CCDC77: variants seen among roughly 807,000 people sequenced by gnomAD.
The protein encoded by CCDC77 is coiled-coil domain-containing protein 77.
In CCDC77, 56 loss-of-function variants were observed where a neutral mutation model predicts 66.8. That is an observed-to-expected ratio of 0.84 (90% CI 0.68 to 1.05). CCDC77 has a LOEUF of 1.05. Among genes scored for constraint, CCDC77 ranks in the 50% least tolerant of loss-of-function variants. CCDC77 has a pLI of 0.00. For missense variants in CCDC77, 570 were observed against 576.8 expected, an observed-to-expected ratio of 0.99 and a Z score of 0.12; for synonymous variants, 196 against 195.2, an observed-to-expected ratio of 1.00 and a Z score of -0.03.
chr12:430,804 C>T (rs1230787989), intron 7 of CCDC77, 68 bp downstream of exon 7: 21 of 1,288,190 alleles, frequency 1.6e-5, no homozygotes, highest in Admixed American at 5.1e-5. Flanking sequence ...GCAGGCTGGG[C>T]GCGGTGGCTC....
rs3043231 is a variant in CCDC77, at chr12:437,845, TAAAAAAA to T, written c.822-476_822-470del. 1.5e-3 allele frequency among the ~76,000 whole-genome samples: 186 copies of T among 124,512 alleles called. 1 individual carries two copies. The highest frequency in any genetic ancestry group is 8.5e-3 in the Middle Eastern group (2 of 236). 81.7% of individuals were successfully genotyped at this position (124,512 alleles called of 152,430 possible). A position where few individuals can be genotyped will look rare whatever the true frequency, so the allele number is the denominator to read the frequency against. On this transcript the variant is annotated intron_variant, in intron 9 of 12. Coordinates refer to ENST00000239830, the MANE Select transcript of CCDC77 (RefSeq NM_032358.4). ...TACGTGACAGAGCAAGACCCTGTCTTAAAAAAAAAAAAAAAAAAAAGTTCTTTTTAAA... is the reference window on the plus strand; with the variant it reads ...TACGTGACAGAGCAAGACCCTGTCTTAAAAAAAAAAAAAGTTCTTTTTAAA...
At chr12:435,261 C>A (rs533558099) in intron 9 of CCDC77, among the ~76,000 whole-genome samples, 1 of 150,488 alleles carries the variant, frequency 6.6e-6, no homozygotes, top group Non-Finnish European at 1.5e-5. Context: ...CTCCCATCCC[C>A]GTCTCAAGCC....
At chr12:416,177 G>A (rs1248424789) in intron 4 of CCDC77, among the ~76,000 whole-genome samples, 2 of 151,034 alleles carry the variant, frequency 1.3e-5, no homozygotes, top group African/African-American at 2.4e-5. Flanking sequence ...CTGGGCTCAA[G>A]CCATCCTCCC....
intron 4 of CCDC77, among the ~76,000 whole-genome samples, chr12:412,769 T>C (rs1945137627): frequency 1.3e-5 from 2 of 152,168 alleles, no homozygotes; most frequent in South Asian, 4.1e-4. Context: ...ACAGCAGTCT[T>C]CTCACCTATC....
chr12:437,158 CA>C (rs1565577866), intron 9 of CCDC77, among the ~76,000 whole-genome samples: 2 of 152,134 alleles, frequency 1.3e-5, no homozygotes, highest in African/African-American at 2.4e-5. Flanking sequence ...CTCTTGCAAG[CA>C]GCCAGATCAT....
At chr12:397,722 C>A (rs191908419), upstream of CCDC77, among the ~76,000 whole-genome samples, 1,096 of 152,088 alleles carry the variant, frequency 7.2e-3, 14 homozygotes, top group Admixed American at 0.013. Flanking sequence ...TCTCAGCTCA[C>A]TGCAGCCTCT....
At chr12:412,234 T>C (rs76118155) in intron 4 of CCDC77, among the ~76,000 whole-genome samples, 2,277 of 152,304 alleles carry the variant, frequency 0.015, 50 homozygotes, top group African/African-American at 0.052. Flanking sequence ...TGAGTAGTCC[T>C]TAACTTCTTT....
At chr12:410,414 C>T (rs537231472) in intron 3 of CCDC77, among the ~76,000 whole-genome samples, 13 of 152,154 alleles carry the variant, frequency 8.5e-5, no homozygotes, top group South Asian at 4.2e-4. Flanking sequence ...ATTACACACG[C>T]GTGCCACCAG....
At chr12:392,079 G>A (rs1944763605) in intron 1 of CCDC77, among the ~76,000 whole-genome samples, 1 of 152,038 alleles carries the variant, frequency 6.6e-6, no homozygotes, top group African/African-American at 2.4e-5. Flanking sequence ...TGAGTCAATA[G>A]TATTTGGGTT....
chr12:431,212 C>CTTTTTTTTTTTTTTTTTT (rs61068771), intron 7 of CCDC77, among the ~76,000 whole-genome samples: 2 of 115,778 alleles, frequency 1.7e-5, no homozygotes, highest in African/African-American at 2.9e-5. Flanking sequence ...TTGCTCAGTT[C>CTTTTTTTTTTTTTTTTTT]TTTTTTTTTT....
chr12:418,578 T>C lies in CCDC77; in HGVS notation c.355T>C (p.Phe119Leu). 1 of 1,614,140 alleles carries C rather than the reference T, an allele frequency of 6.2e-7. No individual in the cohort carries two copies. The highest frequency in any genetic ancestry group is 1.1e-5 in the South Asian group (1 of 91,092). Residue 119 changes from phenylalanine to leucine, a missense_variant, in exon 5 of 13, where the codon TTC becomes CTC. Physicochemically the swap from Phe to Leu is conservative, Grantham distance 22 (BLOSUM62 0). Coordinates refer to ENST00000239830, the MANE Select transcript of CCDC77 (RefSeq NM_032358.4). The stretch of plus-strand genomic sequence containing the variant: ...TCTAAGTGATATGCAGGTCTGCCTC[T>C]TCCAGGAACGGGAACATGTTTTACG... ...KALSDMQVCL[F>L]QEREHVLRLY...
intron 4 of CCDC77, among the ~76,000 whole-genome samples, chr12:414,629 C>A (rs1292439029): frequency 2.0e-5 from 3 of 152,180 alleles, no homozygotes; most frequent in Non-Finnish European, 2.9e-5. Flanking sequence ...CCTTCCCCAC[C>A]CGCACATGTA....
upstream of CCDC77, among the ~76,000 whole-genome samples, chr12:400,246 C>T (rs1052126589): frequency 7.9e-5 from 12 of 152,354 alleles, no homozygotes; most frequent in African/African-American, 2.9e-4. Context: ...TCAGGGAATG[C>T]TGTGGCTGGT....
rs59062833 is a variant in CCDC77 at position 410,748 on chromosome 12, G to A, written c.39-999G>A. 8.6e-3 allele frequency among the ~76,000 whole-genome samples: 1,310 copies of A among 152,134 alleles called. 21 individuals are homozygous for A. Among genetic ancestry groups the A allele is most frequent in the African/African-American group, 0.03 (1,259 of 41,490 alleles). ...TTTGGTAGAGACTAGGTTTCACTAT[G>A]TTGGCCAGGCTGGTCTTGAACTCCT... is the stretch of plus-strand genomic sequence containing the variant. On this transcript the variant is annotated intron_variant, in intron 3 of 12. Coordinates refer to ENST00000239830, the MANE Select transcript of CCDC77 (RefSeq NM_032358.4).
intron 2 of CCDC77, among the ~76,000 whole-genome samples, chr12:406,919 C>T (rs887843915): frequency 1.3e-4 from 20 of 152,348 alleles, no homozygotes; most frequent in African/African-American, 4.3e-4. Flanking sequence ...CGCACTCCAG[C>T]TTGGATGACA....
intron 1 of CCDC77, among the ~76,000 whole-genome samples, chr12:396,118 G>A (rs559399679): frequency 2.6e-5 from 4 of 152,282 alleles, no homozygotes; most frequent in East Asian, 3.9e-4. Flanking sequence ...CTGGCCAGGC[G>A]AGGTGGCTCA....
intron 1 of CCDC77, among the ~76,000 whole-genome samples, chr12:393,358 C>G (rs952810222): frequency 2.6e-5 from 4 of 152,198 alleles, no homozygotes; most frequent in African/African-American, 9.7e-5. Flanking sequence ...AGGGATCCTC[C>G]CACCTCGGCC....
At chr12:432,162 A>C (rs1249999028) in intron 8 of CCDC77, among the ~76,000 whole-genome samples, 1 of 152,196 alleles carries the variant, frequency 6.6e-6, no homozygotes, top group Non-Finnish European at 1.5e-5. Context: ...TTAAGGTGCT[A>C]CTCTGAACCT....
At chr12:415,379 TAATATTATGTTAATATAATC>T (rs1225961306) in intron 4 of CCDC77, among the ~76,000 whole-genome samples, 6 of 109,010 alleles carry the variant, frequency 5.5e-5, no homozygotes, top group African/African-American at 2.1e-4. Flanking sequence ...ATAATCAACA[TAATATTATGTTAATATAATC>T]AACATAATAT....
Sources: allele counts gnomAD v4.1 joint callset (sites outside exome capture counted in the v4.1 genomes callset), GRCh38; gene constraint gnomAD v4.1.1; transcripts MANE v1.5; gene names NCBI Gene and HGNC (gene_info 2026-07-23, HGNC 2026-07-21).